The following SHISA9 variants were observed in gnomAD, a reference collection of about 807,000 sequenced individuals.
SHISA9 encodes protein shisa-9.
Under a neutral mutation model 38.0 loss-of-function variants are expected in SHISA9, and 13 were observed. That is an observed-to-expected ratio of 0.34 (90% CI 0.22 to 0.54). The LOEUF is 0.54. Ranked by LOEUF, SHISA9 falls within the 20% of genes least tolerant of loss-of-function variation. The probability of loss-of-function intolerance (pLI) is 0.91; values close to 1 mark genes in which losing one functional copy is unlikely to be tolerated. For synonymous variants in SHISA9, 275 were observed against 242.0 expected (o/e 1.14, Z -1.27); for missense variants, 538 against 575.8 (o/e 0.93, Z 0.67).
the SHISA9 span, among the ~76,000 whole-genome samples, chr16:13,320,709 G>T: frequency 6.6e-6 from 1 of 152,206 alleles, no homozygotes; most frequent in Non-Finnish European, 1.5e-5. Flanking sequence ...CCCTTTGCTT[G>T]TGAAGGGAAG....
intron 2 of SHISA9, among the ~76,000 whole-genome samples, chr16:13,102,748 C>T (rs543952434): frequency 7.6e-4 from 116 of 152,322 alleles, no homozygotes; most frequent in Non-Finnish European, 1.4e-3. Context: ...GGAGAATTCA[C>T]TCTCCATGAC....
the SHISA9 span, among the ~76,000 whole-genome samples, chr16:13,247,343 A>G: frequency 6.6e-6 from 1 of 152,018 alleles, no homozygotes; most frequent in Non-Finnish European, 1.5e-5. Context: ...TTAAACTTCT[A>G]CTCTATGCTA....
chr16:13,160,947 T>C (rs1482638571), intron 2 of SHISA9, among the ~76,000 whole-genome samples: 2 of 152,196 alleles, frequency 1.3e-5, no homozygotes, highest in African/African-American at 4.8e-5. Flanking sequence ...AGGGTAGATA[T>C]TGGTATGAAA....
the SHISA9 span, among the ~76,000 whole-genome samples, chr16:13,485,083 G>A: frequency 6.6e-6 from 1 of 151,064 alleles, no homozygotes; most frequent in South Asian, 2.1e-4. Context: ...GTGCATGTTT[G>A]TTACATAGGT....
chr16:13,346,137 C>T, the SHISA9 span, among the ~76,000 whole-genome samples: 1 of 152,248 alleles, frequency 6.6e-6, no homozygotes, highest in Admixed American at 6.5e-5. Flanking sequence ...TTTCAAGTGT[C>T]CAGTGTCTAT....
the SHISA9 span, among the ~76,000 whole-genome samples, chr16:13,355,460 G>T: frequency 6.6e-6 from 1 of 152,006 alleles, no homozygotes; most frequent in African/African-American, 2.4e-5. Flanking sequence ...TTTGGATTGG[G>T]AAGAAGGGCG....
At chr16:13,273,704 T>A in the SHISA9 span, among the ~76,000 whole-genome samples, 1 of 152,164 alleles carries the variant, frequency 6.6e-6, no homozygotes, top group African/African-American at 2.4e-5. Flanking sequence ...TAAATGGGAA[T>A]GCCTATTGCA....
At chr16:13,467,397 G>A in the SHISA9 span, among the ~76,000 whole-genome samples, 1 of 152,114 alleles carries the variant, frequency 6.6e-6, no homozygotes, top group East Asian at 1.9e-4. Flanking sequence ...TGAATTCTGA[G>A]CCTGGCACTA....
chr16:13,320,214 C>T, the SHISA9 span, among the ~76,000 whole-genome samples: 1 of 140,908 alleles, frequency 7.1e-6, no homozygotes, highest in Admixed American at 7.7e-5. Context: ...TCGCTTGAAC[C>T]CAGGAGGCAG....
At chr16:13,133,642 G>C (rs1452573699) in intron 2 of SHISA9, among the ~76,000 whole-genome samples, 1 of 152,140 alleles carries the variant, frequency 6.6e-6, no homozygotes, top group South Asian at 2.1e-4. Flanking sequence ...TGGGTTGGCT[G>C]GTTTCCCCTC....
intron 2 of SHISA9, among the ~76,000 whole-genome samples, chr16:13,064,125 G>A (rs572683719): frequency 6.6e-6 from 1 of 152,254 alleles, no homozygotes; most frequent in Admixed American, 6.5e-5. Flanking sequence ...GGCTGGACTT[G>A]AACTCCTGGG....
At chr16:13,383,090 G>A in the SHISA9 span, among the ~76,000 whole-genome samples, 1 of 152,124 alleles carries the variant, frequency 6.6e-6, no homozygotes, top group Non-Finnish European at 1.5e-5. Context: ...TCTCATGGGT[G>A]GAGAGAAACA....
intron 1 of SHISA9, among the ~76,000 whole-genome samples, chr16:12,915,868 C>T (rs539367511): frequency 6.6e-6 from 1 of 152,134 alleles, no homozygotes; most frequent in South Asian, 2.1e-4. Context: ...CAAGGATATT[C>T]ATATGATCTA....
chr16:13,463,679 A>G, the SHISA9 span, among the ~76,000 whole-genome samples: 2 of 152,212 alleles, frequency 1.3e-5, no homozygotes, highest in Non-Finnish European at 2.9e-5. Context: ...TCTTTATTTC[A>G]TCATTTCCAG....
chr16:13,418,310 A>G, the SHISA9 span, among the ~76,000 whole-genome samples: 20 of 152,202 alleles, frequency 1.3e-4, no homozygotes, highest in Admixed American at 1.2e-3. Context: ...CTATGATTCT[A>G]TGGATCAGGA....
chr16:13,400,978 G>A, the SHISA9 span, among the ~76,000 whole-genome samples: 11 of 152,180 alleles, frequency 7.2e-5, no homozygotes, highest in Non-Finnish European at 1.6e-4. Flanking sequence ...CCTAGCAGGT[G>A]AGCTGGTGAT....
At chr16:13,030,312 G>A (rs2072975582) in intron 2 of SHISA9, among the ~76,000 whole-genome samples, 1 of 152,110 alleles carries the variant, frequency 6.6e-6, no homozygotes, top group Non-Finnish European at 1.5e-5. Context: ...TAGAAGTGCT[G>A]GAGAGTCGAT....
At chr16:13,047,936 AG>A (rs2073206037) in intron 2 of SHISA9, among the ~76,000 whole-genome samples, 1 of 152,328 alleles carries the variant, frequency 6.6e-6, no homozygotes, top group East Asian at 1.9e-4. Context: ...CATTGAAACA[AG>A]CACAGTTTTA....
At chr16:12,905,204 T>C (rs1596519957) in intron 1 of SHISA9, among the ~76,000 whole-genome samples, 2 of 152,252 alleles carry the variant, frequency 1.3e-5, no homozygotes, top group African/African-American at 4.8e-5. Context: ...GGTACTATTT[T>C]AATATTCACA....
Sources: gnomAD v4.1 joint callset for allele counts (sites outside exome capture counted in the v4.1 genomes callset) on GRCh38, gnomAD v4.1.1 for gene constraint, MANE v1.5 for transcripts, NCBI Gene and HGNC (gene_info 2026-07-23, HGNC 2026-07-21) for gene names.